Variants in CNIH3 observed in about 807,000 individuals in gnomAD.
CNIH3 encodes protein cornichon homolog 3.
CNIH3 carries 14 observed loss-of-function variants against 24.1 expected under a neutral mutation model. That is an observed-to-expected ratio of 0.58 (90% confidence interval 0.38 to 0.91). The LOEUF (loss-of-function observed/expected upper bound fraction) is 0.91. CNIH3 is among the 40% of genes least tolerant of loss of function. The pLI is 0.00. For synonymous variants in CNIH3, 68 were observed against 73.8 expected, an observed-to-expected ratio of 0.92 and a Z score of 0.40; for missense variants, 178 against 196.8, an observed-to-expected ratio of 0.90 and a Z score of 0.57.
chr1:224,474,785 T>A (rs549138673), intron 1 of CNIH3, among the ~76,000 whole-genome samples: 36 of 152,002 alleles, frequency 2.4e-4, no homozygotes, highest in Middle Eastern at 6.8e-3. Flanking sequence ...CCCAGCACTT[T>A]GGGAGGCCAA....
At chr1:224,489,409 A>C (rs1018325587) in intron 1 of CNIH3, among the ~76,000 whole-genome samples, 2 of 151,562 alleles carry the variant, frequency 1.3e-5, no homozygotes, top group Non-Finnish European at 2.9e-5. Flanking sequence ...TTTGGTTCAC[A>C]CCAGTAAGAC....
chr1:224,681,759 G>A lies in CNIH3; in HGVS notation c.150+733G>A, dbSNP rs114617178. 4.4e-3 allele frequency among the ~76,000 whole-genome samples: 671 copies of A among 152,242 alleles called. 2 individuals carry two copies. The highest frequency in any genetic ancestry group is 9.7e-3 in the Admixed American group (149 of 15,302). ...CCCTGGTCAGTGTAGTCCATGTCCC[G>A]GAGCCAGAGACCAACCCTGTATGTG... On this transcript the variant is annotated intron_variant, in intron 2 of 5. Coordinates refer to ENST00000272133, the MANE Select transcript of CNIH3 (RefSeq NM_152495.2).
chr1:224,518,055 G>T (rs1243185795), intron 1 of CNIH3, among the ~76,000 whole-genome samples: 1 of 152,154 alleles, frequency 6.6e-6, no homozygotes, highest in Non-Finnish European at 1.5e-5. Context: ...CTGGATAATG[G>T]AGTGCTGTTC....
At chr1:224,505,173 T>C (rs1031292833) in intron 1 of CNIH3, among the ~76,000 whole-genome samples, 1 of 151,566 alleles carries the variant, frequency 6.6e-6, no homozygotes, top group Non-Finnish European at 1.5e-5. Context: ...CCAGGTATGG[T>C]AGTGCGCGCC....
chr1:224,729,883 A>G (rs1161396615), intron 3 of CNIH3, among the ~76,000 whole-genome samples: 1 of 152,056 alleles, frequency 6.6e-6, no homozygotes, highest in Non-Finnish European at 1.5e-5. Context: ...GTCCCTCTTC[A>G]TCATTGCTAA....
chr1:224,469,043 T>C (rs983247234), intron 1 of CNIH3, among the ~76,000 whole-genome samples: 2 of 152,012 alleles, frequency 1.3e-5, no homozygotes, highest in African/African-American at 4.8e-5. Context: ...TAAAATGCTT[T>C]TTCTATATCA....
intron 1 of CNIH3, among the ~76,000 whole-genome samples, chr1:224,467,609 A>C (rs1676199815): frequency 1.3e-5 from 2 of 152,028 alleles, no homozygotes; most frequent in African/African-American, 2.4e-5. Context: ...TTTTTAGTAG[A>C]GACGGGGTTT....
At chr1:224,712,324 A>G (rs962735778) in intron 3 of CNIH3, among the ~76,000 whole-genome samples, 1 of 152,110 alleles carries the variant, frequency 6.6e-6, no homozygotes, top group Non-Finnish European at 1.5e-5. Flanking sequence ...AGGGATTCTG[A>G]TGTGCAATGG....
chr1:224,696,426 G>A (rs778267734), intron 3 of CNIH3, among the ~76,000 whole-genome samples: 1 of 152,260 alleles, frequency 6.6e-6, no homozygotes, highest in Non-Finnish European at 1.5e-5. Flanking sequence ...AGAAATGGGA[G>A]TGAGGACTTA....
chr1:224,683,507 C>T (rs1686502803), intron 2 of CNIH3, among the ~76,000 whole-genome samples: 1 of 152,218 alleles, frequency 6.6e-6, no homozygotes, highest in Non-Finnish European at 1.5e-5. Context: ...AAAGCTACTT[C>T]ACTGATTGGT....
chr1:224,499,253 A>G (rs1199530421), intron 1 of CNIH3, among the ~76,000 whole-genome samples: 5 of 152,256 alleles, frequency 3.3e-5, no homozygotes, highest in African/African-American at 1.2e-4. Flanking sequence ...AGGTATTGTA[A>G]TACAGTATTA....
At chr1:224,739,273 G>C in intron 5 of CNIH3, 56 bp from the exon 6 acceptor site, 1 of 1,583,628 alleles carries the variant, frequency 6.3e-7, no homozygotes, top group Non-Finnish European at 8.6e-7. Context: ...TCCTCTGTGG[G>C]CTTCTACTAA....
In CNIH3 at chr1:224,690,855, G is replaced by A. The variant is rs571679213; in HGVS notation, c.198+6012G>A. ...GGGCAGGTGCTCCAGGTATAGTACCGGAAATGCAGTGGTGATATGACCACC... is the reference window on the plus strand; with the variant it reads ...GGGCAGGTGCTCCAGGTATAGTACCAGAAATGCAGTGGTGATATGACCACC... On this transcript the variant is annotated intron_variant, in intron 3 of 5. Transcript: ENST00000272133. 9.2e-5 allele frequency among the ~76,000 whole-genome samples: 14 copies of A among 152,280 alleles called. No individual in the cohort carries two copies. The East Asian group carries it at 1.5e-3, about 17-fold the overall frequency.
chr1:224,702,466 G>T (rs904432824), intron 3 of CNIH3, among the ~76,000 whole-genome samples: 9 of 152,180 alleles, frequency 5.9e-5, no homozygotes, highest in African/African-American at 2.2e-4. Flanking sequence ...CAGTATAAGA[G>T]AGTGTCTGTT....
chr1:224,711,206 A>G (rs770515387), intron 3 of CNIH3, among the ~76,000 whole-genome samples: 41 of 152,238 alleles, frequency 2.7e-4, no homozygotes, highest in Non-Finnish European at 5.0e-4. Context: ...TTTGTGAGCC[A>G]TCTACTATCC....
chr1:224,678,426 C>T (rs1043630834), intron 1 of CNIH3, among the ~76,000 whole-genome samples: 3 of 152,206 alleles, frequency 2.0e-5, no homozygotes, highest in Admixed American at 1.3e-4. Context: ...CAGCCACCCT[C>T]ACCTTGAATC....
intron 1 of CNIH3, among the ~76,000 whole-genome samples, chr1:224,625,735 T>C (rs938795805): frequency 3.3e-5 from 5 of 150,414 alleles, no homozygotes; most frequent in Non-Finnish European, 5.9e-5. Context: ...TGGGGAGAGG[T>C]TGTGAACAAC....
rs1680239483 is a variant in CNIH3 at position 224,558,657 on chromosome 1, G to A, written n.451-7542G>A. On this transcript the variant is annotated intron_variant and non_coding_transcript_variant, in intron 3 of 5. Coordinates refer to the CNIH3 transcript ENST00000471578. ...TCCTCCTCCTTAGTCAGTCCCTAGTGGGGAAAAAGTCCCCACCCCTTGATG... is the reference window on the plus strand; with the variant it reads ...TCCTCCTCCTTAGTCAGTCCCTAGTAGGGAAAAAGTCCCCACCCCTTGATG... Among the ~76,000 whole-genome samples the A allele has an allele frequency of 2.6e-5, 4 of 152,166 alleles. No homozygotes were observed. In the South Asian group the frequency reaches 8.3e-4, roughly 32 times the overall value.
chr1:224,570,671 G>A (rs138506538), intron 4 of CNIH3, among the ~76,000 whole-genome samples: 107 of 152,098 alleles, frequency 7.0e-4, no homozygotes, highest in Non-Finnish European at 1.2e-3. Context: ...GTGAACATAT[G>A]TTCCAATTTT....
Sources: allele counts gnomAD v4.1 joint callset (sites outside exome capture counted in the v4.1 genomes callset), GRCh38; gene constraint gnomAD v4.1.1; transcripts MANE v1.5; gene names NCBI Gene and HGNC (gene_info 2026-07-23, HGNC 2026-07-21).